MYO6: variants seen among roughly 807,000 people sequenced by gnomAD.
MYO6 encodes the protein unconventional myosin-VI.
In MYO6, 74 loss-of-function variants were observed where a neutral mutation model predicts 178.7. That is an observed-to-expected ratio of 0.41 (90% confidence interval 0.34 to 0.50). The LOEUF (loss-of-function observed/expected upper bound fraction) is 0.50. MYO6 is among the 20% of genes least tolerant of loss of function. The pLI is 0.09. For synonymous variants in MYO6, 477 were observed against 504.6 expected (o/e 0.95, Z 0.73); for missense variants, 1,330 against 1,547.4 (o/e 0.86, Z 2.36).
chr6:75,798,171 G>A (rs1203170611), intron 1 of MYO6, among the ~76,000 whole-genome samples: 1 of 152,136 alleles, frequency 6.6e-6, no homozygotes, highest in Non-Finnish European at 1.5e-5. Flanking sequence ...ATGGTGAAAG[G>A]TAGGGGTCCA....
rs766645065 is a variant in MYO6, at chr6:75,914,197, T to A, written c.3574T>A (p.Trp1192Arg). ...YKDPQSKKKG[W>R]WYAHFDGPWI... ...AGACCCTCAGAGTAAGAAAAAAGGCTGGTGGTATGCCCATTTTGATGGACC... is the reference window on the plus strand; with the variant it reads ...AGACCCTCAGAGTAAGAAAAAAGGCAGGTGGTATGCCCATTTTGATGGACC... Residue 1192 changes from tryptophan to arginine, a missense_variant, in exon 34 of 35, where the codon TGG (tryptophan) becomes AGG (arginine). Trp to Arg is a moderately radical substitution (Grantham distance 101, BLOSUM62 -3). Around this residue, in one of 3 missense-constraint regions of MYO6, gnomAD observed 601 missense variants for 626.1 expected, o/e 0.96. Transcript: ENST00000369977. 1.9e-6 allele frequency: 3 copies of A among 1,614,182 alleles called. No individual in the cohort carries two copies. The highest frequency in any genetic ancestry group is 2.5e-6 in the Non-Finnish European group (3 of 1,180,028).
chr6:75,877,554 A>G (rs1356490760), intron 20 of MYO6, among the ~76,000 whole-genome samples: 2 of 152,130 alleles, frequency 1.3e-5, no homozygotes, highest in East Asian at 3.9e-4. Context: ...GGCGTGAGCC[A>G]CCATGCCCGG....
chr6:75,817,828 G>A (rs1175182916), intron 2 of MYO6, among the ~76,000 whole-genome samples, 164 bp downstream of exon 2: 4 of 152,146 alleles, frequency 2.6e-5, no homozygotes. Flanking sequence ...TCAGAGGTAT[G>A]TGCCCTAGGG....
At chr6:75,827,231 A>G (rs1156869989) in intron 3 of MYO6, among the ~76,000 whole-genome samples, 1 of 148,682 alleles carries the variant, frequency 6.7e-6, no homozygotes, top group Non-Finnish European at 1.5e-5. Context: ...TAGTAGTTGT[A>G]GTGGTGGTGG....
chr6:75,894,940 A>C (rs1435234323), intron 28 of MYO6: 1 of 815,166 alleles, frequency 1.2e-6, no homozygotes, highest in Non-Finnish European at 1.8e-6. Flanking sequence ...AAATTACCTA[A>C]AATTGTAAAA....
At chr6:75,838,095 G>A (rs968514261) in intron 7 of MYO6, among the ~76,000 whole-genome samples, 1 of 148,990 alleles carries the variant, frequency 6.7e-6, no homozygotes, top group East Asian at 2.0e-4. Context: ...CTCTGTCGCC[G>A]AGTCTGGAGT....
intron 20 of MYO6, among the ~76,000 whole-genome samples, chr6:75,878,985 C>T (rs1777786069): frequency 6.6e-6 from 1 of 152,176 alleles, no homozygotes; most frequent in Non-Finnish European, 1.5e-5. Context: ...TCCCAGTAGT[C>T]TAGTTGCTTT....
At chr6:75,798,362 T>C (rs1323212184) in intron 1 of MYO6, among the ~76,000 whole-genome samples, 4 of 152,212 alleles carry the variant, frequency 2.6e-5, no homozygotes, top group African/African-American at 4.8e-5. Context: ...ACCAATACCA[T>C]GCTGTTTTGG....
Position 75,873,297 on chromosome 6 carries a change from T to C in MYO6, c.2074T>C (p.Ser692Pro). Residue 692 changes from serine to proline, a missense_variant, in exon 20 of 35, where the codon TCA (serine) becomes CCA (proline). By Grantham distance (74) the Ser-to-Pro change is moderately conservative. This residue lies in a region of MYO6 where 613 missense variants were observed against 816.8 expected (regional missense o/e 0.75). Coordinates refer to ENST00000369977, the MANE Select transcript of MYO6 (RefSeq NM_004999.4). ...TCAAATTCTGTCTCAGCTTCAGTGT[T>C]CAGGTATTTTCATAATCTCTGTCAG... ...GAQILSQLQC[S>P]GMVSVLDLMQ... 1 of 1,607,816 alleles carries C rather than the reference T, an allele frequency of 6.2e-7. No individual in the cohort carries two copies. Among genetic ancestry groups the C allele is most frequent in the Non-Finnish European group, 8.5e-7 (1 of 1,174,260 alleles).
At chr6:75,819,845 G>A (rs1026561545) in intron 2 of MYO6, among the ~76,000 whole-genome samples, 1 of 152,168 alleles carries the variant, frequency 6.6e-6, no homozygotes, top group African/African-American at 2.4e-5. Context: ...CTTGAGCTCA[G>A]GAATTTGAGA....
At chr6:75,762,005 C>T (rs886797262) in intron 1 of MYO6, among the ~76,000 whole-genome samples, 4 of 151,178 alleles carry the variant, frequency 2.6e-5, no homozygotes, top group Non-Finnish European at 4.4e-5. Context: ...GATCTCGGCT[C>T]ACTACAAGCC....
chr6:75,799,866 C>A (rs1383257580), intron 1 of MYO6, among the ~76,000 whole-genome samples: 1 of 152,116 alleles, frequency 6.6e-6, no homozygotes, highest in Non-Finnish European at 1.5e-5. Flanking sequence ...TCCTGCTTCC[C>A]CCCAGGCATT....
intron 23 of MYO6, among the ~76,000 whole-genome samples, chr6:75,885,738 G>C (rs777798783): frequency 6.6e-6 from 1 of 152,108 alleles, no homozygotes; most frequent in African/African-American, 2.4e-5. Flanking sequence ...GAGCCACCGC[G>C]CCCGGCCGAG....
chr6:75,845,129 A>G, intron 10 of MYO6, 152 bp downstream of exon 10: 5 of 669,732 alleles, frequency 7.5e-6, no homozygotes, highest in Middle Eastern at 8.1e-4. Context: ...TCTCTGTCAC[A>G]GTGTAATACT....
chr6:75,837,010 A>C (rs1295280952), intron 7 of MYO6, among the ~76,000 whole-genome samples: 1 of 152,108 alleles, frequency 6.6e-6, no homozygotes, highest in African/African-American at 2.4e-5. Flanking sequence ...GCTCACCTGG[A>C]GTCATGTTTC....
chr6:75,853,250 A>G (rs529914480), intron 11 of MYO6, among the ~76,000 whole-genome samples: 3 of 152,308 alleles, frequency 2.0e-5, no homozygotes, highest in South Asian at 2.1e-4. Context: ...TTTATCAGAT[A>G]TATAATTTGC....
At chr6:75,809,917 CA>C (rs573059225) in intron 1 of MYO6, among the ~76,000 whole-genome samples, 49 of 125,062 alleles carry the variant, frequency 3.9e-4, no homozygotes, top group Middle Eastern at 4.0e-3. Context: ...AAAAAAAAAA[CA>C]AAAAAAAAAG....
At chr6:75,904,088 A>G (rs912718990) in intron 30 of MYO6, among the ~76,000 whole-genome samples, 7 of 152,192 alleles carry the variant, frequency 4.6e-5, no homozygotes, top group Admixed American at 2.6e-4. Context: ...AGTTTCTGCC[A>G]AGAGATCCAC....
chr6:75,784,217 C>T (rs1479687126), intron 1 of MYO6, among the ~76,000 whole-genome samples: 1 of 151,840 alleles, frequency 6.6e-6, no homozygotes, highest in Admixed American at 6.6e-5. Flanking sequence ...GTGATCCGCC[C>T]GACTTGGGCT....
Sources: allele counts gnomAD v4.1 joint callset (sites outside exome capture counted in the v4.1 genomes callset), GRCh38; gene constraint gnomAD v4.1.1; regional missense constraint gnomAD v4.1.1; transcripts MANE v1.5; gene names NCBI Gene and HGNC (gene_info 2026-07-23, HGNC 2026-07-21).